Variants in NEBL observed in about 807,000 individuals in gnomAD.
NEBL encodes nebulette.
NEBL carries 122 observed loss-of-function variants against 140.2 expected under a neutral mutation model. The observed-to-expected ratio is 0.87, with a 90% CI of 0.75 to 1.01. The LOEUF is 1.01. Ranked by LOEUF, NEBL falls within the 50% of genes least tolerant of loss-of-function variation. NEBL has a pLI of 0.00. For synonymous variants in NEBL, 436 were observed against 398.9 expected (o/e 1.09, Z -1.11); for missense variants, 1,365 against 1,231.3 (o/e 1.11, Z -1.62).
Position 20,835,541 on chromosome 10 carries a change from G to A in NEBL, c.1421C>T (p.Ala474Val), listed in dbSNP as rs1564367636. ...ACTCGCTATCTCTGCAGCCTTCTTG[G>A]CATGCTGCATTTCAAGGGTGTCAGT... ...AGTDTLEMQH[A>V]KKAAEIASEK... The change falls in exon 14 of 28, where the codon GCC (alanine) becomes GTC (valine). Residue 474 changes from alanine to valine, a missense_variant. Ala to Val is a moderately conservative substitution (Grantham distance 64, BLOSUM62 0). This residue lies in a region of NEBL where 1,323 missense variants were observed against 1,154.8 expected (regional missense o/e 1.15). Coordinates refer to ENST00000377122, the MANE Select transcript of NEBL (RefSeq NM_006393.3). The A allele has an allele frequency of 1.2e-6, 2 of 1,612,044 alleles. No individual in the cohort carries two copies. Among genetic ancestry groups the A allele is most frequent in the Non-Finnish European group, 1.7e-6 (2 of 1,179,640 alleles).
rs11012463 is a variant in NEBL at position 20,987,723 on chromosome 10, A to G, written c.250-25944T>C. Among the ~76,000 whole-genome samples, 3,357 of 152,294 alleles carry G rather than the reference A, an allele frequency of 0.022. 398 individuals are homozygous for G. The East Asian group carries it at 0.36, about 16-fold the overall frequency. On this transcript the variant is annotated intron_variant, in intron 3 of 6. Transcript: ENST00000417816. ...GCATAAGACCAAGGCTAACTTCTGC[A>G]TGGTGAGGAAGAACTGCAATGAACA...
At chr10:21,155,473 T>C (rs926377407) in intron 2 of NEBL, among the ~76,000 whole-genome samples, 1 of 152,190 alleles carries the variant, frequency 6.6e-6, no homozygotes, top group Non-Finnish European at 1.5e-5. Flanking sequence ...TTTTACTCTC[T>C]AGCTCCATGA....
chr10:21,082,939 T>A (rs1356805050), intron 2 of NEBL, among the ~76,000 whole-genome samples: 1 of 152,030 alleles, frequency 6.6e-6, no homozygotes, highest in African/African-American at 2.4e-5. Flanking sequence ...ATTTTTGAAT[T>A]TTTTTAGAGA....
intron 4 of NEBL, among the ~76,000 whole-genome samples, chr10:20,911,883 G>A (rs932846111): frequency 3.3e-5 from 5 of 152,118 alleles, no homozygotes; most frequent in Admixed American, 6.5e-5. Context: ...CAACAACACC[G>A]TCAAAGGCTC....
chr10:20,993,932 T>C (rs758777345), intron 3 of NEBL, among the ~76,000 whole-genome samples: 4 of 152,118 alleles, frequency 2.6e-5, no homozygotes, highest in African/African-American at 4.8e-5. Flanking sequence ...CCCATCGTCA[T>C]CTCACCCAAG....
At chr10:20,820,925 A>G (rs1839244259) in intron 19 of NEBL, among the ~76,000 whole-genome samples, 1 of 152,188 alleles carries the variant, frequency 6.6e-6, no homozygotes, top group Non-Finnish European at 1.5e-5. Context: ...GGGAAGTTGA[A>G]TAAGTTTAAA....
At chr10:21,214,659 T>G (rs1355532791) in intron 3 of NEBL, among the ~76,000 whole-genome samples, 2 of 151,508 alleles carry the variant, frequency 1.3e-5, no homozygotes, top group Non-Finnish European at 1.5e-5. Context: ...CATGCAAGAT[T>G]GTTGGGTACA....
At chr10:20,995,894 T>C (rs534757396) in intron 3 of NEBL, among the ~76,000 whole-genome samples, 60 of 152,092 alleles carry the variant, frequency 3.9e-4, no homozygotes, top group Middle Eastern at 3.4e-3. Flanking sequence ...AACTTACCCT[T>C]TGTGGGACTA....
At position 21,226,424 on chromosome 10, in the gene NEBL, T is replaced by G. The variant is rs112849290; in HGVS notation, n.348+21497A>C. ...CACATGCCCCAAAGTCCATTGGCTCTGAGCCCAGCACAGCATCAGGAATTG... is the reference window on the plus strand; with the variant it reads ...CACATGCCCCAAAGTCCATTGGCTCGGAGCCCAGCACAGCATCAGGAATTG... On this transcript the variant is annotated intron_variant and non_coding_transcript_variant, in intron 3 of 8. Transcript: ENST00000675702. Among the ~76,000 whole-genome samples, 166 of 152,306 alleles carry G rather than the reference T, an allele frequency of 1.1e-3. 2 individuals carry two copies. The highest frequency in any genetic ancestry group is 3.8e-3 in the African/African-American group (160 of 41,570).
intron 2 of NEBL, among the ~76,000 whole-genome samples, chr10:21,023,841 G>T (rs1838906777): frequency 6.6e-6 from 1 of 152,076 alleles, no homozygotes; most frequent in African/African-American, 2.4e-5. Context: ...TTTCCTCCAT[G>T]CAAGACAAAA....
chr10:21,192,856 A>G (rs193167833), intron 3 of NEBL, among the ~76,000 whole-genome samples: 1 of 151,948 alleles, frequency 6.6e-6, no homozygotes, highest in Admixed American at 6.6e-5. Flanking sequence ...AGAGGACACA[A>G]TTTCTGACTT....
rs565637180 is a variant in NEBL at position 20,884,428 on chromosome 10, G to T, written c.370-3524C>A. Reference sequence around the variant, plus strand: ...CACAGATGCCCTGAAGCTTCTCCCTGCCCTCGCTTTCAGAAAATTCATAGA... The same window carrying T: ...CACAGATGCCCTGAAGCTTCTCCCTTCCCTCGCTTTCAGAAAATTCATAGA... On this transcript the variant is annotated intron_variant, in intron 4 of 27. Coordinates refer to ENST00000377122, the MANE Select transcript of NEBL (RefSeq NM_006393.3). 1.1e-4 allele frequency among the ~76,000 whole-genome samples: 16 copies of T among 152,148 alleles called. No homozygotes were observed. In the East Asian group the frequency reaches 2.3e-3, roughly 22 times the overall value.
chr10:21,121,127 G>T (rs907788726), intron 2 of NEBL, among the ~76,000 whole-genome samples: 1 of 152,120 alleles, frequency 6.6e-6, no homozygotes, highest in African/African-American at 2.4e-5. Flanking sequence ...TTTTTTAACA[G>T]TATCTACCAA....
intron 19 of NEBL, among the ~76,000 whole-genome samples, chr10:20,822,615 A>C (rs1588691403): frequency 6.6e-6 from 1 of 151,420 alleles, no homozygotes; most frequent in South Asian, 2.1e-4. Context: ...AAACTAATAT[A>C]GACTATATAG....
At chr10:20,926,612 A>C (rs970046330) in intron 4 of NEBL, among the ~76,000 whole-genome samples, 3 of 152,202 alleles carry the variant, frequency 2.0e-5, no homozygotes, top group Admixed American at 6.5e-5. Context: ...TGCTCCAGGA[A>C]AGAAATCTGT....
chr10:21,135,876 G>A (rs1357193544), intron 2 of NEBL, among the ~76,000 whole-genome samples: 1 of 152,206 alleles, frequency 6.6e-6, no homozygotes, highest in Non-Finnish European at 1.5e-5. Flanking sequence ...CGGCCAGGAT[G>A]AGAGATGGAG....
At chr10:20,918,565 T>C (rs1833420752) in intron 4 of NEBL, among the ~76,000 whole-genome samples, 1 of 151,934 alleles carries the variant, frequency 6.6e-6, no homozygotes. Context: ...TGCATAATAT[T>C]GGGGCCGGGC....
chr10:20,999,771 G>C, intron 3 of NEBL, among the ~76,000 whole-genome samples: 1 of 152,126 alleles, frequency 6.6e-6, no homozygotes, highest in East Asian at 1.9e-4. Context: ...TTTAACTGCC[G>C]TGGAGGCTGT....
intron 4 of NEBL, among the ~76,000 whole-genome samples, chr10:20,919,333 A>C (rs760559712): frequency 2.0e-5 from 3 of 152,202 alleles, no homozygotes; most frequent in Non-Finnish European, 4.4e-5. Context: ...TGTAAGCCTC[A>C]CTTCCCTTCT....
Sources: gnomAD v4.1 joint callset for allele counts (sites outside exome capture counted in the v4.1 genomes callset) on GRCh38, gnomAD v4.1.1 for gene constraint, gnomAD v4.1.1 regional missense constraint, MANE v1.5 for transcripts, NCBI Gene and HGNC (gene_info 2026-07-23, HGNC 2026-07-21) for gene names.